TMEM184A: variants seen among roughly 807,000 people sequenced by gnomAD.
TMEM184A encodes the protein sexually dimorphic, expressed in male gonads 1.
In TMEM184A, 40 loss-of-function variants were observed where a neutral mutation model predicts 39.5. The observed-to-expected ratio is 1.01, with a 90% CI of 0.79 to 1.32. TMEM184A has a LOEUF of 1.32. Ranked by LOEUF, TMEM184A falls within the 40% of genes most tolerant of loss-of-function variation. TMEM184A has a pLI of 0.00. For missense variants in TMEM184A, 603 were observed against 568.8 expected, an observed-to-expected ratio of 1.06 and a Z score of -0.61; for synonymous variants, 280 against 252.3, an observed-to-expected ratio of 1.11 and a Z score of -1.04.
rs1294584570 is a variant in TMEM184A at position 1,550,915 on chromosome 7, A to C, written c.287T>G (p.Ile96Ser). ...EQRYIIRLLL[I>S]VPIYAFDSWL... ...GGAGTCGAAGGCGTAGATGGGCACG[A>C]TGAGGAGCAGGCGGATGATGTAACG... The change falls in exon 3 of 9, where the codon ATC becomes AGC. Residue 96 changes from isoleucine (I) to serine (S), a missense_variant. Ile to Ser is a moderately radical substitution (Grantham distance 142). Transcript: ENST00000297477. 1 of 1,613,834 alleles carries C rather than the reference A, an allele frequency of 6.2e-7. No homozygotes were observed. The highest frequency in any genetic ancestry group is 1.7e-5 in the Admixed American group (1 of 60,016).
Position 1,542,543 on chromosome 7 carries a change from G to A in TMEM184A, c.*4409C>T, listed in dbSNP as rs1482311682. The stretch of plus-strand genomic sequence containing the variant: ...CCTTGGCCTGCAGTGCTTTGCTGGA[G>A]AAGGGACTCCCTGGTCCCCAGGGTG... On this transcript the variant is annotated 3_prime_UTR_variant, in exon 9 of 9. Coordinates refer to ENST00000297477, the MANE Select transcript of TMEM184A (RefSeq NM_001097620.2). 1 of 152,320 alleles carries A rather than the reference G, an allele frequency of 6.6e-6. No homozygotes were observed. The highest frequency in any genetic ancestry group is 1.5e-5 in the Non-Finnish European group (1 of 68,070). The allele number at this position is 152,320 out of a possible 1,614,324, so 9.4% of individuals were successfully genotyped here.
rs1026788577 is a variant in TMEM184A, at chr7:1,555,697, C to G, written c.1-213G>C. 6.6e-6 allele frequency among the ~76,000 whole-genome samples: 1 copy of G among 152,188 alleles called. No homozygotes were observed. The highest frequency in any genetic ancestry group is 1.5e-5 in the Non-Finnish European group (1 of 68,014). ...TCGAAGCTCACCCATCAACCACCTG[C>G]GACCTGAGGGTCCCACCTCAATTCC... On this transcript the variant is annotated intron_variant, in intron 1 of 8. Transcript: ENST00000297477. This position sits in a 1 kb window ranked among gnomAD's most constrained non-coding sequence, Gnocchi z 5.2.
chr7:1,554,317 C>A (rs2128555330), intron 2 of TMEM184A, among the ~76,000 whole-genome samples: 1 of 152,258 alleles, frequency 6.6e-6, no homozygotes. Flanking sequence ...TCCTGATGGC[C>A]CCCTGCCCCA....
rs1784365938 is a variant in TMEM184A at position 1,546,937 on chromosome 7, G to A, written c.*15C>T. 1 of 1,516,540 alleles carries A rather than the reference G, an allele frequency of 6.6e-7. No homozygotes were observed. The highest frequency in any genetic ancestry group is 8.8e-7 in the Non-Finnish European group (1 of 1,138,016). 93.9% of individuals were successfully genotyped at this position (1,516,540 alleles called of 1,614,324 possible). On this transcript the variant is annotated 3_prime_UTR_variant, in exon 9 of 9. Coordinates refer to ENST00000297477, the MANE Select transcript of TMEM184A (RefSeq NM_001097620.2). ...GGCAGCCTGGGTCCCTACAGCACTGGCAGCCCAGGCCCCCCTACAGGTCCT... is the reference window on the plus strand; with the variant it reads ...GGCAGCCTGGGTCCCTACAGCACTGACAGCCCAGGCCCCCCTACAGGTCCT...
intron 3 of TMEM184A, 55 bp downstream of exon 3, chr7:1,550,762 G>C: frequency 6.3e-7 from 1 of 1,596,044 alleles, no homozygotes; most frequent in South Asian, 1.1e-5. Context: ...CGTGCACGCA[G>C]GCCCCGGGGA....
chr7:1,550,682 A>G (rs545368885), intron 3 of TMEM184A, 135 bp downstream of exon 3: 2 of 1,180,288 alleles, frequency 1.7e-6, no homozygotes, highest in South Asian at 2.9e-5. Flanking sequence ...GCTAACCCTG[A>G]CTATCCTGGC....
In TMEM184A at chr7:1,550,408, C is replaced by T; in HGVS notation, c.386-13G>A. 6.2e-7 allele frequency: 1 copy of T among 1,605,478 alleles called. No individual in the cohort carries two copies. Among genetic ancestry groups the T allele is most frequent in the Non-Finnish European group, 8.5e-7 (1 of 1,175,586 alleles). ...TAAATGACAAAGGCTGCAGGGAGCA[C>T]AGAGGGGGACCGGCTGTGAGCCCTG... On this transcript the variant is annotated splice_polypyrimidine_tract_variant and intron_variant, in intron 3 of 8. Transcript: ENST00000297477.
At chr7:1,554,170 G>A (rs1396618616) in intron 2 of TMEM184A, among the ~76,000 whole-genome samples, 3 of 152,134 alleles carry the variant, frequency 2.0e-5, no homozygotes, top group Admixed American at 6.5e-5. Context: ...GGGCTCAAGC[G>A]ATCCTCCCAT....
rs143929399 is a variant in TMEM184A, at chr7:1,552,486, C to T, written c.220-1504G>A. ...GCATAGAATACATTGTTATTTATAA[C>T]AGTCACCATGTTGTACAATAGGTTT... On this transcript the variant is annotated intron_variant, in intron 2 of 8. Transcript: ENST00000297477. Among the ~76,000 whole-genome samples, 162 of 149,976 alleles carry T rather than the reference C, an allele frequency of 1.1e-3. 2 individuals carry two copies. The highest frequency in any genetic ancestry group is 3.5e-3 in the African/African-American group (142 of 40,770).
intron 6 of TMEM184A, 173 bp downstream of exon 6, chr7:1,549,681 C>T: frequency 1.4e-6 from 1 of 721,126 alleles, no homozygotes; most frequent in Non-Finnish European, 2.5e-6. Context: ...CTTGTTGGGC[C>T]CCACCGCTGG....
intron 2 of TMEM184A, among the ~76,000 whole-genome samples, chr7:1,552,569 T>C (rs910153673): frequency 1.3e-5 from 2 of 151,850 alleles, no homozygotes; most frequent in Admixed American, 6.6e-5. Context: ...CTGTTTGTTC[T>C]TAGCCTGGGA....
At chr7:1,554,548 T>C (rs1236480010) in intron 2 of TMEM184A, among the ~76,000 whole-genome samples, 1 of 152,082 alleles carries the variant, frequency 6.6e-6, no homozygotes, top group Admixed American at 6.5e-5. Flanking sequence ...CGCCCTGGCC[T>C]CTCTGTGTAT....
chr7:1,553,990 C>T (rs987230626), intron 2 of TMEM184A, among the ~76,000 whole-genome samples: 2 of 152,236 alleles, frequency 1.3e-5, no homozygotes, highest in African/African-American at 4.8e-5. Flanking sequence ...ACAGCCGGTT[C>T]CCAGGATTAC....
At chr7:1,548,853 G>A in intron 6 of TMEM184A, 165 bp from the exon 7 acceptor site, 1 of 870,040 alleles carries the variant, frequency 1.1e-6, no homozygotes, top group Admixed American at 2.0e-5. Context: ...AGGGCCTGCA[G>A]GAGAGCGTGG....
chr7:1,547,062 C>T lies in TMEM184A; in HGVS notation c.1132G>A (p.Ala378Thr). The T allele has an allele frequency of 1.2e-6, 2 of 1,609,434 alleles. No individual in the cohort carries two copies. Among genetic ancestry groups the T allele is most frequent in the South Asian group, 1.1e-5 (1 of 91,030 alleles). Residue 378 changes from alanine (A) to threonine (T), a missense_variant, in exon 9 of 9, where the codon GCC (alanine) becomes ACC (threonine). By Grantham distance (58) the Ala-to-Thr change is moderately conservative. Coordinates refer to ENST00000297477, the MANE Select transcript of TMEM184A (RefSeq NM_001097620.2). The stretch of plus-strand genomic sequence containing the variant: ...CCGGGCCTGGGCGCCTCGTGCGTGG[C>T]CTGCTGCGTGTAGTGCTGGTAGGCG... ...SPAYQHYTQQ[A>T]THEAPRPGTH...
chr7:1,550,259 T>G (rs747692982), intron 4 of TMEM184A, 46 bp downstream of exon 4: 1 of 1,608,946 alleles, frequency 6.2e-7, no homozygotes, highest in South Asian at 1.1e-5. Flanking sequence ...CCGGGCTCCC[T>G]GTCCCAGGTG....
Position 1,549,861 on chromosome 7 carries a change from C to T in TMEM184A, c.637G>A (p.Asp213Asn), listed in dbSNP as rs989404988. ...LQAFGKYHDGDFNVRSGYLYV... is the reference protein window; with the variant it reads ...LQAFGKYHDGNFNVRSGYLYV... ...CCGCAGCTCCCGCCTTACTTGAAGT[C>T]CCCGTCGTGGTATTTGCCAAATGCC... is the stretch of plus-strand genomic sequence containing the variant. Residue 213 changes from aspartate to asparagine, a missense_variant, in exon 6 of 9, where the codon GAC becomes AAC. Coordinates refer to ENST00000297477, the MANE Select transcript of TMEM184A (RefSeq NM_001097620.2). 3.7e-6 allele frequency: 6 copies of T among 1,604,626 alleles called. No homozygotes were observed. The highest frequency in any genetic ancestry group is 2.2e-5 in the South Asian group (2 of 89,952).
At position 1,547,724 on chromosome 7, in the gene TMEM184A, C is replaced by G. The variant is rs1322198262; in HGVS notation, c.1012+18G>C. ...GGGCTGTGCGCTCCGGGTGCCCCAG[C>G]TGGAAGGCAGGGTGTACCTGGTGAA... On this transcript the variant is annotated intron_variant, in intron 8 of 8. Transcript: ENST00000297477. 2 of 1,606,798 alleles carry G rather than the reference C, an allele frequency of 1.2e-6. No individual in the cohort carries two copies. The highest frequency in any genetic ancestry group is 2.7e-5 in the African/African-American group (2 of 74,826).
In TMEM184A at chr7:1,548,915, C is replaced by T. The variant is rs116431938; in HGVS notation, c.645-227G>A. ...TGCAGGGGTAGGGCAGGGACGTGGC[C>T]GTTCTCCCTACCGGCCCTGCTCCTC... On this transcript the variant is annotated intron_variant, in intron 6 of 8. Coordinates refer to ENST00000297477, the MANE Select transcript of TMEM184A (RefSeq NM_001097620.2). The T allele has an allele frequency of 5.5e-3, 3,702 of 675,390 alleles. 107 individuals are homozygous for T. The African/African-American group carries it at 0.057, about 10-fold the overall frequency. 41.8% of individuals were successfully genotyped at this position (675,390 alleles called of 1,614,324 possible). A position where few individuals can be genotyped will look rare whatever the true frequency, so the allele number is the denominator to read the frequency against.
Sources: allele counts gnomAD v4.1 joint callset (sites outside exome capture counted in the v4.1 genomes callset), GRCh38; gene constraint gnomAD v4.1.1; non-coding constraint Gnocchi (gnomAD v3.1); transcripts MANE v1.5; gene names NCBI Gene and HGNC (gene_info 2026-07-23, HGNC 2026-07-21).